The following MEIS1 variants were observed in gnomAD, a reference collection of about 807,000 sequenced individuals.
MEIS1 encodes the protein Meis homeobox 1.
In MEIS1, 5 loss-of-function variants were observed where a neutral mutation model predicts 50.8. That is an observed-to-expected ratio of 0.10 (90% CI 0.05 to 0.21). The LOEUF is 0.21. MEIS1 is among the 10% of genes least tolerant of loss of function. The probability of loss-of-function intolerance (pLI) is 1.00; values close to 1 mark genes in which losing one functional copy is unlikely to be tolerated. For synonymous variants in MEIS1, 176 were observed against 179.3 expected (o/e 0.98, Z 0.15); for missense variants, 318 against 517.3 (o/e 0.61, Z 3.74).
intron 12 of MEIS1, 172 bp from the exon 13 acceptor site, chr2:66,571,074 C>G: frequency 1.5e-6 from 1 of 665,392 alleles, no homozygotes; most frequent in Non-Finnish European, 2.4e-6. Context: ...GAGTTTCCAG[C>G]ATGATGTTTC....
intron 8 of MEIS1, among the ~76,000 whole-genome samples, chr2:66,513,303 G>A (rs1673877636): frequency 6.6e-6 from 1 of 152,000 alleles, no homozygotes; most frequent in Non-Finnish European, 1.5e-5. Flanking sequence ...TACTATTTTT[G>A]TCTTAGCTTG....
rs565564246 is a variant in MEIS1 at position 66,567,084 on chromosome 2, G to C, written c.966-369G>C. Among the ~76,000 whole-genome samples, 164 of 152,298 alleles carry C rather than the reference G, an allele frequency of 1.1e-3. 3 individuals carry two copies. Among genetic ancestry groups the C allele is most frequent in the African/African-American group, 3.8e-3 (158 of 41,554 alleles). Reference sequence around the variant, plus strand: ...ATGTCACTAATTAGGAGAGGTAACAGATGCCCTTATGAGCATCTAACTCTT... The same window carrying C: ...ATGTCACTAATTAGGAGAGGTAACACATGCCCTTATGAGCATCTAACTCTT... On this transcript the variant is annotated intron_variant, in intron 9 of 12. Transcript: ENST00000272369.
chr2:66,528,492 A>G (rs1300082861), intron 8 of MEIS1, among the ~76,000 whole-genome samples: 1 of 152,064 alleles, frequency 6.6e-6, no homozygotes, highest in Non-Finnish European at 1.5e-5. Flanking sequence ...TGACATCACC[A>G]TAGACCCAGA....
intron 7 of MEIS1, among the ~76,000 whole-genome samples, chr2:66,471,669 T>C (rs1377690990): frequency 6.6e-6 from 1 of 152,224 alleles, no homozygotes; most frequent in Non-Finnish European, 1.5e-5. Context: ...TGTCAGTTCA[T>C]CATTTAGCTC....
chr2:66,492,667 C>T (rs1673301213), intron 7 of MEIS1, among the ~76,000 whole-genome samples: 1 of 152,196 alleles, frequency 6.6e-6, no homozygotes, highest in East Asian at 1.9e-4. Context: ...ACTCCTACAG[C>T]AGAGGCCCCT....
chr2:66,452,760 G>GT (rs1214007366), intron 6 of MEIS1, among the ~76,000 whole-genome samples: 2 of 151,900 alleles, frequency 1.3e-5, no homozygotes, highest in Non-Finnish European at 2.9e-5. Context: ...CATAAAGTTT[G>GT]TAGCACTGTT....
chr2:66,513,408 C>T (rs6709091), intron 8 of MEIS1, among the ~76,000 whole-genome samples: 5,054 of 152,092 alleles, frequency 0.033, 180 homozygotes, highest in South Asian at 0.092. Context: ...CCTGGGCCCA[C>T]ATTCAAAGCC....
At chr2:66,504,296 C>T (rs962281058) in intron 7 of MEIS1, among the ~76,000 whole-genome samples, 1 of 152,014 alleles carries the variant, frequency 6.6e-6, no homozygotes, top group Non-Finnish European at 1.5e-5. Context: ...TGCAGTGACG[C>T]GACCTCAGCT....
intron 8 of MEIS1, among the ~76,000 whole-genome samples, chr2:66,526,398 G>A (rs757041121): frequency 6.6e-6 from 1 of 152,166 alleles, no homozygotes; most frequent in African/African-American, 2.4e-5. Flanking sequence ...ATGGCAGGCC[G>A]GGCCTGGCCT....
At chr2:66,464,574 G>A (rs1050957013) in intron 7 of MEIS1, among the ~76,000 whole-genome samples, 4 of 152,216 alleles carry the variant, frequency 2.6e-5, no homozygotes, top group Non-Finnish European at 5.9e-5. Flanking sequence ...AAGAGCTCAT[G>A]AAGAAACATC....
chr2:66,501,035 T>C (rs1673542485), intron 7 of MEIS1, among the ~76,000 whole-genome samples: 1 of 152,134 alleles, frequency 6.6e-6, no homozygotes, highest in Non-Finnish European at 1.5e-5. Context: ...ATGGGGTACT[T>C]TTTTTCCTAA....
At chr2:66,469,466 G>A (rs537303373) in intron 7 of MEIS1, among the ~76,000 whole-genome samples, 2 of 152,266 alleles carry the variant, frequency 1.3e-5, no homozygotes, top group South Asian at 2.1e-4. Context: ...CGAGGGAGGT[G>A]GGGAAGGGCC....
At chr2:66,473,331 T>C (rs1418695415) in intron 7 of MEIS1, among the ~76,000 whole-genome samples, 2 of 144,990 alleles carry the variant, frequency 1.4e-5, no homozygotes, top group Admixed American at 6.9e-5. Flanking sequence ...TGAGCCGAGA[T>C]TGTGCCATTG....
intron 6 of MEIS1, chr2:66,461,813 A>C: frequency 2.1e-6 from 1 of 467,916 alleles, no homozygotes; most frequent in South Asian, 1.6e-5. Context: ...TCATAGCGGA[A>C]TCAGAATTTC....
At chr2:66,531,044 A>G (rs953849927) in intron 8 of MEIS1, among the ~76,000 whole-genome samples, 1 of 152,216 alleles carries the variant, frequency 6.6e-6, no homozygotes, top group Admixed American at 6.5e-5. Context: ...TCCACACAAC[A>G]TTGTAAAATA....
chr2:66,491,807 C>CGTA (rs1446970469), intron 7 of MEIS1, among the ~76,000 whole-genome samples: 1 of 151,964 alleles, frequency 6.6e-6, no homozygotes, highest in African/African-American at 2.4e-5. Flanking sequence ...TCCCTTAATT[C>CGTA]CACAATGGAG....
At chr2:66,470,046 A>G (rs1403540359) in intron 7 of MEIS1, among the ~76,000 whole-genome samples, 2 of 152,014 alleles carry the variant, frequency 1.3e-5, no homozygotes. Flanking sequence ...TTGTTGTTTC[A>G]TTTGTCTGTT....
At chr2:66,522,406 G>A (rs569403948) in intron 8 of MEIS1, among the ~76,000 whole-genome samples, 46 of 152,262 alleles carry the variant, frequency 3.0e-4, no homozygotes, top group African/African-American at 1.1e-3. Context: ...TTCTATTGTG[G>A]CAGCTCCATT....
At chr2:66,453,950 T>C (rs1672332090) in intron 6 of MEIS1, among the ~76,000 whole-genome samples, 1 of 152,010 alleles carries the variant, frequency 6.6e-6, no homozygotes, top group Non-Finnish European at 1.5e-5. Flanking sequence ...CATTTTTAGT[T>C]ACACATCCTT....
Sources: allele counts gnomAD v4.1 joint callset (sites outside exome capture counted in the v4.1 genomes callset), GRCh38; gene constraint gnomAD v4.1.1; transcripts MANE v1.5; gene names NCBI Gene and HGNC (gene_info 2026-07-23, HGNC 2026-07-21).